Variants in USP46 observed in about 807,000 individuals in gnomAD.
USP46 encodes ubiquitin specific peptidase 46.
A neutral mutation model predicts 44.4 loss-of-function variants in USP46; 12 were observed. The ratio of observed to expected loss-of-function variants is 0.27; its 90% CI spans 0.17 to 0.44. USP46 has a LOEUF of 0.44. Ranked by LOEUF, USP46 falls within the 20% of genes least tolerant of loss-of-function variation. The pLI is 1.00. For missense variants in USP46, 248 were observed against 444.8 expected (o/e 0.56, Z 3.98); for synonymous variants, 155 against 161.5 (o/e 0.96, Z 0.31).
chr4:52,599,467 G>A (rs986245936), intron 7 of USP46, among the ~76,000 whole-genome samples: 5 of 152,150 alleles, frequency 3.3e-5, no homozygotes, highest in African/African-American at 4.8e-5. Flanking sequence ...GCAGTAGAAG[G>A]AATTGCAGGT....
chr4:52,604,912 A>G lies in USP46; in HGVS notation c.639-328T>C, dbSNP rs574786211. On this transcript the variant is annotated intron_variant, in intron 5 of 8. Transcript: ENST00000441222. The stretch of plus-strand genomic sequence containing the variant: ...CCAACTGGATTCAGAAAAAAAACTC[A>G]TGATTTAATGGAGAATACCTATAAG... Among the ~76,000 whole-genome samples, 117 of 152,356 alleles carry G rather than the reference A, an allele frequency of 7.7e-4. No individual in the cohort carries two copies. The South Asian group carries it at 0.013, about 16-fold the overall frequency.
chr4:52,625,597 C>T (rs956526279), intron 4 of USP46, among the ~76,000 whole-genome samples: 1 of 152,184 alleles, frequency 6.6e-6, no homozygotes, highest in African/African-American at 2.4e-5. Flanking sequence ...GCTGTAAAAA[C>T]AGGAGTCTAG....
intron 1 of USP46, chr4:52,655,322 T>C (rs904064919): frequency 6.6e-6 from 1 of 152,242 alleles, no homozygotes; most frequent in African/African-American, 2.4e-5. Flanking sequence ...CACTTGAGTA[T>C]AGTCTGTGCC....
intron 1 of USP46, among the ~76,000 whole-genome samples, chr4:52,636,609 G>A (rs1718124505): frequency 6.6e-6 from 1 of 150,676 alleles, no homozygotes; most frequent in Non-Finnish European, 1.5e-5. Context: ...GGGAGGCTGA[G>A]GCGGGAGAAT....
At chr4:52,616,050 A>G (rs1717132236) in intron 4 of USP46, among the ~76,000 whole-genome samples, 1 of 152,204 alleles carries the variant, frequency 6.6e-6, no homozygotes, top group Non-Finnish European at 1.5e-5. Flanking sequence ...TTTATCAACC[A>G]ACATATCTAA....
At chr4:52,645,010 T>C (rs971602482) in intron 1 of USP46, among the ~76,000 whole-genome samples, 1 of 151,982 alleles carries the variant, frequency 6.6e-6, no homozygotes, top group Non-Finnish European at 1.5e-5. Context: ...TGAGCTGACA[T>C]CGTGCCATTG....
rs973274619 is a variant in USP46 at position 52,591,186 on chromosome 4, T to C, written c.*6454A>G. On this transcript the variant is annotated 3_prime_UTR_variant, in exon 9 of 9. Coordinates refer to ENST00000441222, the MANE Select transcript of USP46 (RefSeq NM_022832.4). ...AAGTTTTCTCACGTTTATTTTCCATTTTCTTAGCACAGAATGTTCTTTCCA... is the reference window on the plus strand; with the variant it reads ...AAGTTTTCTCACGTTTATTTTCCATCTTCTTAGCACAGAATGTTCTTTCCA... 6.6e-6 allele frequency: 1 copy of C among 152,216 alleles called. No homozygotes were observed. Among genetic ancestry groups the C allele is most frequent in the Non-Finnish European group, 1.5e-5 (1 of 68,042 alleles). 9.4% of individuals were successfully genotyped at this position (152,216 alleles called of 1,614,324 possible). A position where few individuals can be genotyped will look rare whatever the true frequency, so the allele number is the denominator to read the frequency against.
intron 1 of USP46, among the ~76,000 whole-genome samples, chr4:52,644,960 G>C (rs578093728): frequency 3.3e-5 from 5 of 152,220 alleles, no homozygotes; most frequent in African/African-American, 1.2e-4. Context: ...AGGAGGCTGA[G>C]GCAGGAGAAT....
chr4:52,635,970 C>A (rs73135519), intron 1 of USP46, among the ~76,000 whole-genome samples: 3,546 of 152,004 alleles, frequency 0.023, 114 homozygotes, highest in African/African-American at 0.076. Context: ...TTTTTCACAT[C>A]GATGTATATA....
intron 1 of USP46, among the ~76,000 whole-genome samples, chr4:52,643,832 A>G (rs1196785194): frequency 2.6e-5 from 4 of 152,322 alleles, no homozygotes; most frequent in Admixed American, 6.5e-5. Flanking sequence ...CACTCAGCCA[A>G]TAAGAGCAGA....
chr4:52,612,002 C>T (rs1381899737), intron 4 of USP46, among the ~76,000 whole-genome samples: 1 of 152,224 alleles, frequency 6.6e-6, no homozygotes, highest in Non-Finnish European at 1.5e-5. Context: ...GCCAGCTACT[C>T]AGCCTCTGTT....
intron 1 of USP46, among the ~76,000 whole-genome samples, chr4:52,652,331 CA>C (rs1261913378): frequency 6.6e-6 from 1 of 152,136 alleles, no homozygotes; most frequent in African/African-American, 2.4e-5. Context: ...AGCAATCAGG[CA>C]ACTTATTAAA....
chr4:52,632,984 G>GAAAGAA (rs1175060206), intron 1 of USP46, among the ~76,000 whole-genome samples: 1 of 52,536 alleles, frequency 1.9e-5, no homozygotes, highest in South Asian at 7.9e-4. Flanking sequence ...AAGAAAGAAA[G>GAAAGAA]AAAAGAAAAG....
rs1415647875 is a variant in USP46, at chr4:52,594,644, A to G, written c.*2996T>C. On this transcript the variant is annotated 3_prime_UTR_variant, in exon 9 of 9. Coordinates refer to ENST00000441222, the MANE Select transcript of USP46 (RefSeq NM_022832.4). ...TAAAATCCATCTGTAATAAAGCTACACTCCAATATCTAAAATAAGCCCTAA... is the reference window on the plus strand; with the variant it reads ...TAAAATCCATCTGTAATAAAGCTACGCTCCAATATCTAAAATAAGCCCTAA... 6.6e-6 allele frequency: 1 copy of G among 152,192 alleles called. No homozygotes were observed. The highest frequency in any genetic ancestry group is 1.5e-5 in the Non-Finnish European group (1 of 68,028). The allele number at this position is 152,192 out of a possible 1,614,324, so 9.4% of individuals were successfully genotyped here. A position where few individuals can be genotyped will look rare whatever the true frequency, so the allele number is the denominator to read the frequency against.
chr4:52,658,359 C>T (rs1419551217), intron 1 of USP46: 1 of 444,192 alleles, frequency 2.3e-6, no homozygotes, highest in Non-Finnish European at 4.5e-6. Flanking sequence ...TGCATCAGAA[C>T]CCAGTGATGT....
rs1717966653 is a variant in USP46, at chr4:52,632,998, G to GAAAGAAAAGA, written c.37-1855_37-1854insTCTTTTCTTT. ...AAAGAAAGAAAGAAAAGAAAAGAAA[G>GAAAGAAAAGA]AAAGAAAGAAAGAAAGAAAGAAAGA... is the stretch of plus-strand genomic sequence containing the variant. On this transcript the variant is annotated intron_variant, in intron 1 of 8. Coordinates refer to ENST00000441222, the MANE Select transcript of USP46 (RefSeq NM_022832.4). 1.1e-4 allele frequency among the ~76,000 whole-genome samples: 12 copies of GAAAGAAAAGA among 112,612 alleles called. No individual in the cohort carries two copies. In the South Asian group the frequency reaches 1.5e-3, roughly 14 times the overall value. 73.9% of individuals were successfully genotyped at this position (112,612 alleles called of 152,430 possible).
At chr4:52,609,398 A>T (rs1326753985) in intron 5 of USP46, among the ~76,000 whole-genome samples, 1 of 152,214 alleles carries the variant, frequency 6.6e-6, no homozygotes, top group Non-Finnish European at 1.5e-5. Flanking sequence ...TAAAAAACAA[A>T]TCCTCAAAAA....
chr4:52,644,693 G>A (rs1718473975), intron 1 of USP46, among the ~76,000 whole-genome samples: 1 of 149,738 alleles, frequency 6.7e-6, no homozygotes, highest in African/African-American at 2.5e-5. Context: ...ACCTGTCCCT[G>A]GTGCCAAAAA....
rs1200910828 is a variant in USP46 at position 52,639,216 on chromosome 4, C to T, written c.37-8072G>A. ...TAAATGACCATATCCTTCAACCCTG[C>T]AATTTGACTTTTTTTATTCTACTAT... On this transcript the variant is annotated intron_variant, in intron 1 of 8. Transcript: ENST00000441222. 2.0e-5 allele frequency among the ~76,000 whole-genome samples: 3 copies of T among 152,268 alleles called. No homozygotes were observed. The East Asian group carries it at 5.8e-4, about 29-fold the overall frequency.
Sources: gnomAD v4.1 joint callset for allele counts (sites outside exome capture counted in the v4.1 genomes callset) on GRCh38, gnomAD v4.1.1 for gene constraint, MANE v1.5 for transcripts, NCBI Gene and HGNC (gene_info 2026-07-23, HGNC 2026-07-21) for gene names.